The following ATRNL1 variants were observed in gnomAD, a reference collection of about 807,000 sequenced individuals.
ATRNL1 encodes attractin like 1.
ATRNL1 carries 95 observed loss-of-function variants against 182.7 expected under a neutral mutation model. The ratio of observed to expected loss-of-function variants is 0.52; its 90% CI spans 0.44 to 0.62. ATRNL1 has a LOEUF of 0.62. Among genes scored for constraint, ATRNL1 ranks in the 20% least tolerant of loss-of-function variants. The probability of loss-of-function intolerance (pLI) is 0.00; values close to 1 mark genes in which losing one functional copy is unlikely to be tolerated. For synonymous variants in ATRNL1, 576 were observed against 568.3 expected (o/e 1.01, Z -0.19); for missense variants, 1,471 against 1,679.5 (o/e 0.88, Z 2.17).
chr10:115,882,698 G>T (rs1173395912), intron 28 of ATRNL1, among the ~76,000 whole-genome samples: 3 of 152,210 alleles, frequency 2.0e-5, no homozygotes, highest in African/African-American at 7.2e-5. Flanking sequence ...GTTGGAGAAT[G>T]AGAAGAGGAT....
chr10:115,301,034 C>T (rs1377211813), intron 16 of ATRNL1, among the ~76,000 whole-genome samples: 2 of 152,050 alleles, frequency 1.3e-5, no homozygotes, highest in African/African-American at 4.8e-5. Context: ...AGCATAATGT[C>T]TTTAGGGTTT....
At chr10:115,301,777 G>A in intron 16 of ATRNL1, 78 bp from the exon 17 acceptor site, 1 of 1,285,680 alleles carries the variant, frequency 7.8e-7, no homozygotes, top group Non-Finnish European at 1.0e-6. Flanking sequence ...GCCCTGAACA[G>A]CAAAGCAAAG....
chr10:115,750,402 A>T (rs887256156), intron 27 of ATRNL1, among the ~76,000 whole-genome samples: 1 of 151,930 alleles, frequency 6.6e-6, no homozygotes, highest in East Asian at 1.9e-4. Flanking sequence ...TGGTATTGGG[A>T]TAGATGAACA....
intron 26 of ATRNL1, among the ~76,000 whole-genome samples, chr10:115,704,965 C>G (rs972922118): frequency 1.3e-5 from 2 of 151,556 alleles, no homozygotes; most frequent in African/African-American, 4.8e-5. Context: ...ATGTGGAAGC[C>G]TTCCCGGCCC....
chr10:115,827,752 G>A (rs1474136134), intron 27 of ATRNL1, among the ~76,000 whole-genome samples: 1 of 152,160 alleles, frequency 6.6e-6, no homozygotes, highest in African/African-American at 2.4e-5. Flanking sequence ...GATGACATAT[G>A]AACAAAAGCA....
At chr10:115,867,049 A>C (rs929019408) in intron 28 of ATRNL1, among the ~76,000 whole-genome samples, 8 of 152,202 alleles carry the variant, frequency 5.3e-5, no homozygotes, top group Admixed American at 1.3e-4. Context: ...CCTTTACCAT[A>C]ATAAGTCTGA....
chr10:115,945,223 C>T lies in ATRNL1; in HGVS notation c.*444C>T, dbSNP rs571320800. ...ACAGGGAATGAACACATTGCAATGGCTTTAAATGCTCTTTTATCTCGTTGT... is the reference window on the plus strand; with the variant it reads ...ACAGGGAATGAACACATTGCAATGGTTTTAAATGCTCTTTTATCTCGTTGT... On this transcript the variant is annotated 3_prime_UTR_variant, in exon 29 of 29. Transcript: ENST00000355044. 1.3e-5 allele frequency: 2 copies of T among 152,438 alleles called. No individual in the cohort carries two copies. The highest frequency in any genetic ancestry group is 1.3e-4 in the Admixed American group (2 of 15,286). The allele number at this position is 152,438 out of a possible 1,614,324, so 9.4% of individuals were successfully genotyped here. A position where few individuals can be genotyped will look rare whatever the true frequency, so the allele number is the denominator to read the frequency against.
chr10:115,921,769 G>A (rs1453706224), intron 28 of ATRNL1, among the ~76,000 whole-genome samples: 2 of 152,234 alleles, frequency 1.3e-5, no homozygotes, highest in African/African-American at 4.8e-5. Context: ...TTTTAAAATT[G>A]TGTTAGCGTA....
intron 24 of ATRNL1, among the ~76,000 whole-genome samples, chr10:115,500,229 T>G (rs1849756049): frequency 6.6e-6 from 1 of 152,184 alleles, no homozygotes; most frequent in Admixed American, 6.5e-5. Context: ...TTGTTTAGCT[T>G]TAGTTTGCAG....
chr10:115,579,810 T>C (rs1474223214), intron 26 of ATRNL1, among the ~76,000 whole-genome samples: 1 of 152,022 alleles, frequency 6.6e-6, no homozygotes, highest in Non-Finnish European at 1.5e-5. Context: ...CTCTTTTTCT[T>C]GCTTCCTGCC....
intron 26 of ATRNL1, among the ~76,000 whole-genome samples, chr10:115,587,866 T>A (rs552876319): frequency 4.6e-5 from 7 of 151,052 alleles, no homozygotes; most frequent in African/African-American, 1.7e-4. Context: ...AAGTTTATCT[T>A]CCAAACCAGT....
intron 26 of ATRNL1, among the ~76,000 whole-genome samples, chr10:115,559,591 T>C (rs577026794): frequency 6.6e-6 from 1 of 152,334 alleles, no homozygotes; most frequent in East Asian, 1.9e-4. Context: ...AGCATACATA[T>C]TGCCTAGATC....
intron 28 of ATRNL1, among the ~76,000 whole-genome samples, chr10:115,925,189 G>A (rs1953187763): frequency 6.6e-6 from 1 of 152,090 alleles, no homozygotes; most frequent in Admixed American, 6.6e-5. Flanking sequence ...CATGTCCTCT[G>A]CAAACAGAGA....
intron 26 of ATRNL1, among the ~76,000 whole-genome samples, chr10:115,689,307 T>A (rs906968660): frequency 6.6e-6 from 1 of 152,166 alleles, no homozygotes; most frequent in Non-Finnish European, 1.5e-5. Context: ...CTCCTTGAGA[T>A]GCATCATTAG....
At chr10:115,596,629 C>T (rs1412876283) in intron 26 of ATRNL1, among the ~76,000 whole-genome samples, 1 of 151,984 alleles carries the variant, frequency 6.6e-6, no homozygotes, top group African/African-American at 2.4e-5. Context: ...AGCTGAAGGG[C>T]GTGTTTAGTT....
At chr10:115,190,689 G>A (rs782072508) in intron 8 of ATRNL1, among the ~76,000 whole-genome samples, 11 of 151,936 alleles carry the variant, frequency 7.2e-5, no homozygotes, top group Non-Finnish European at 1.3e-4. Flanking sequence ...ATCACTTCAA[G>A]CCTTTATTAT....
chr10:115,487,986 G>GT (rs1296086216), intron 24 of ATRNL1, among the ~76,000 whole-genome samples: 3 of 152,156 alleles, frequency 2.0e-5, no homozygotes, highest in Non-Finnish European at 4.4e-5. Flanking sequence ...AGATAATCGT[G>GT]TTTTTTGTCA....
chr10:115,581,746 C>CT (rs11412844), intron 26 of ATRNL1, among the ~76,000 whole-genome samples: 72,867 of 149,422 alleles, frequency 0.49, 18,697 homozygotes, highest in East Asian at 0.84. Flanking sequence ...CGACACTAAA[C>CT]TTTTTTTTTT....
intron 20 of ATRNL1, among the ~76,000 whole-genome samples, chr10:115,420,612 A>G (rs782298970): frequency 2.6e-5 from 4 of 152,178 alleles, no homozygotes; most frequent in Admixed American, 6.5e-5. Flanking sequence ...AAGTAGAAAT[A>G]TCTCAAATAA....
Sources: gnomAD v4.1 joint callset for allele counts (sites outside exome capture counted in the v4.1 genomes callset) on GRCh38, gnomAD v4.1.1 for gene constraint, MANE v1.5 for transcripts, NCBI Gene and HGNC (gene_info 2026-07-23, HGNC 2026-07-21) for gene names.